AGMO: variants seen among roughly 807,000 people sequenced by gnomAD.
AGMO encodes the protein alkylglycerol monooxygenase, also known as glyceryl-ether monooxygenase.
Under a neutral mutation model 60.2 loss-of-function variants are expected in AGMO, and 75 were observed. The ratio of observed to expected loss-of-function variants is 1.25; its 90% CI spans 1.03 to 1.51. The LOEUF is 1.51. AGMO is among the 40% of genes most tolerant of loss of function. The pLI, the probability that AGMO is intolerant of heterozygous loss-of-function variation, is 0.00. For synonymous variants in AGMO, 261 were observed against 177.1 expected, an observed-to-expected ratio of 1.47 and a Z score of -3.76; for missense variants, 763 against 525.5, an observed-to-expected ratio of 1.45 and a Z score of -4.42.
chr7:15,420,106 A>C (rs1780886014), intron 4 of AGMO, among the ~76,000 whole-genome samples: 1 of 152,130 alleles, frequency 6.6e-6, no homozygotes, highest in Non-Finnish European at 1.5e-5. Context: ...TGGAAAGACT[A>C]TGCATAGCAG....
chr7:15,170,582 G>A, the AGMO span, among the ~76,000 whole-genome samples: 5 of 151,870 alleles, frequency 3.3e-5, no homozygotes, highest in Non-Finnish European at 7.4e-5. Context: ...ATTTTAATTA[G>A]TTTAAATTTA....
chr7:15,283,477 A>T (rs1014390918), intron 12 of AGMO, among the ~76,000 whole-genome samples: 1 of 152,062 alleles, frequency 6.6e-6, no homozygotes, highest in Non-Finnish European at 1.5e-5. Flanking sequence ...CAACAGTTTA[A>T]AAAAAAGACA....
At chr7:15,154,770 G>A in the AGMO span, among the ~76,000 whole-genome samples, 1 of 152,210 alleles carries the variant, frequency 6.6e-6, no homozygotes, top group Non-Finnish European at 1.5e-5. Flanking sequence ...AATTCCTTAA[G>A]GATCTCTTGT....
At chr7:15,560,118 G>C (rs1356513865) in intron 2 of AGMO, 23 bp downstream of exon 2, 1 of 1,584,046 alleles carries the variant, frequency 6.3e-7, no homozygotes, top group Admixed American at 1.7e-5. Context: ...TTTATGCTCA[G>C]CGTTGTTGAC....
chr7:15,220,208 C>CT (rs904364065), intron 12 of AGMO, among the ~76,000 whole-genome samples: 11,866 of 109,420 alleles, frequency 0.11, 1,436 homozygotes, highest in African/African-American at 0.24. Flanking sequence ...CTGACTGTGC[C>CT]TTTTTTTTTT....
chr7:15,445,317 A>C lies in AGMO; in HGVS notation c.410-14209T>G, dbSNP rs1781668460. ...AAGAAAAGTTCATGAAGAACATTCAAAACTATATTGGACACATTAAACTTC... is the reference window on the plus strand; with the variant it reads ...AAGAAAAGTTCATGAAGAACATTCACAACTATATTGGACACATTAAACTTC... On this transcript the variant is annotated intron_variant, in intron 3 of 12. Transcript: ENST00000342526. Among the ~76,000 whole-genome samples the C allele has an allele frequency of 2.0e-5, 3 of 152,318 alleles. No individual in the cohort carries two copies. In the South Asian group the frequency reaches 6.2e-4, roughly 32 times the overall value.
At chr7:15,383,106 T>C (rs1783760107) in intron 10 of AGMO, among the ~76,000 whole-genome samples, 1 of 152,092 alleles carries the variant, frequency 6.6e-6, no homozygotes, top group Non-Finnish European at 1.5e-5. Flanking sequence ...ACCACATACA[T>C]AGATTCGTTC....
In AGMO at chr7:15,390,727, T is replaced by C. The variant is rs1049254149; in HGVS notation, c.766A>G (p.Lys256Glu). The change falls in exon 8 of 13, where the codon AAA (lysine) becomes GAA (glutamate). Residue 256 changes from lysine to glutamate, a missense_variant. Transcript: ENST00000342526. ...GGATGTGTTAAGCCATATACAACTT[T>C]TTCATTTTCTGCTTCAAATGTCCCT... Reference protein sequence around the residue: ...IFGTFEAENEKVVYGLTHPIN... With the variant: ...IFGTFEAENEEVVYGLTHPIN... 4 of 1,611,378 alleles carry C rather than the reference T, an allele frequency of 2.5e-6. No individual in the cohort carries two copies. The highest frequency in any genetic ancestry group is 1.6e-4 in the Middle Eastern group (1 of 6,074).
intron 4 of AGMO, among the ~76,000 whole-genome samples, chr7:15,426,576 CT>C (rs367658309): frequency 6.6e-6 from 1 of 152,138 alleles, no homozygotes; most frequent in African/African-American, 2.4e-5. Flanking sequence ...TGGCAAAACC[CT>C]GTCTATACAA....
At chr7:15,530,630 A>T (rs557344521) in intron 3 of AGMO, among the ~76,000 whole-genome samples, 1 of 135,988 alleles carries the variant, frequency 7.4e-6, no homozygotes, top group African/African-American at 2.6e-5. Context: ...TATATTCTAT[A>T]TACGTATTTC....
chr7:15,239,608 A>T (rs936580914), intron 12 of AGMO, among the ~76,000 whole-genome samples: 3 of 152,140 alleles, frequency 2.0e-5, no homozygotes, highest in Admixed American at 6.5e-5. Flanking sequence ...GTGTGCCTGT[A>T]TAATTTATCT....
the AGMO span, among the ~76,000 whole-genome samples, chr7:15,178,084 T>C: frequency 6.6e-6 from 1 of 152,144 alleles, no homozygotes; most frequent in Non-Finnish European, 1.5e-5. Context: ...CAATCCTTAT[T>C]AGTAGTAGTT....
intron 12 of AGMO, among the ~76,000 whole-genome samples, chr7:15,357,190 CGTGTGTGTGT>C (rs36124819): frequency 0.075 from 10,851 of 144,424 alleles, 509 homozygotes; most frequent in African/African-American, 0.13. Flanking sequence ...TATGAATATT[CGTGTGTGTGT>C]GTGTGTGTGT....
chr7:15,459,390 A>C (rs1782078141), intron 3 of AGMO, among the ~76,000 whole-genome samples: 1 of 152,174 alleles, frequency 6.6e-6, no homozygotes, highest in African/African-American at 2.4e-5. Context: ...CTCAGATGGC[A>C]GATGGCCTTT....
chr7:15,357,910 C>A (rs1782603177), intron 12 of AGMO, among the ~76,000 whole-genome samples: 1 of 152,034 alleles, frequency 6.6e-6, no homozygotes. Flanking sequence ...AGATAAATGC[C>A]AAGGAAGCCT....
chr7:15,205,027 T>G (rs976897083), intron 12 of AGMO, among the ~76,000 whole-genome samples: 2 of 152,104 alleles, frequency 1.3e-5, no homozygotes, highest in Non-Finnish European at 1.5e-5. Context: ...TCAAAATGGC[T>G]CTAATGAAGA....
At chr7:15,173,613 G>A in the AGMO span, among the ~76,000 whole-genome samples, 1 of 151,816 alleles carries the variant, frequency 6.6e-6, no homozygotes, top group Non-Finnish European at 1.5e-5. Flanking sequence ...ATATAAAATA[G>A]GTAAGGATAA....
chr7:15,453,835 G>A (rs2128506333), intron 3 of AGMO, among the ~76,000 whole-genome samples: 1 of 152,018 alleles, frequency 6.6e-6, no homozygotes, highest in Non-Finnish European at 1.5e-5. Context: ...CTAAGTTGCT[G>A]TGAGACCTTC....
chr7:15,187,475 G>A, the AGMO span, among the ~76,000 whole-genome samples: 6 of 152,066 alleles, frequency 3.9e-5, no homozygotes, highest in Admixed American at 6.6e-5. Context: ...TATTTCACAC[G>A]TCCTTTCATA....
Sources: gnomAD v4.1 joint callset for allele counts (sites outside exome capture counted in the v4.1 genomes callset) on GRCh38, gnomAD v4.1.1 for gene constraint, MANE v1.5 for transcripts, NCBI Gene and HGNC (gene_info 2026-07-23, HGNC 2026-07-21) for gene names.